Variants in PSMA3 observed in about 807,000 individuals in gnomAD.
PSMA3 encodes proteasome subunit alpha type-3.
A neutral mutation model predicts 40.0 loss-of-function variants in PSMA3; 8 were observed. The ratio of observed to expected loss-of-function variants is 0.20; its 90% CI spans 0.12 to 0.36. The LOEUF is 0.36. Ranked by LOEUF, PSMA3 falls within the 10% of genes least tolerant of loss-of-function variation. The pLI is 1.00. For missense variants in PSMA3, 219 were observed against 310.6 expected, an observed-to-expected ratio of 0.70 and a Z score of 2.22; for synonymous variants, 110 against 100.0, an observed-to-expected ratio of 1.10 and a Z score of -0.59.
chr14:58,263,908 A>G (rs2348071), intron 7 of PSMA3, 138 bp downstream of exon 7: 470,695 of 674,790 alleles, frequency 0.7, 167,452 homozygotes, highest in Middle Eastern at 0.84. Flanking sequence ...CACCAACACT[A>G]ATGATAGCTG....
At chr14:58,258,941 T>TTA (rs34616281) in intron 5 of PSMA3, among the ~76,000 whole-genome samples, 110,419 of 151,874 alleles carry the variant, frequency 0.73, 40,672 homozygotes, top group Middle Eastern at 0.87. Context: ...CATTAGGGTT[T>TTA]TGTTTTTACT....
intron 3 of PSMA3, 71 bp from the exon 4 acceptor site, chr14:58,257,674 T>C (rs1890176001): frequency 7.4e-7 from 1 of 1,344,626 alleles, no homozygotes; most frequent in East Asian, 2.3e-5. Flanking sequence ...GTTTAATAAG[T>C]CTTTATTAAT....
chr14:58,264,337 C>T (rs562000056), intron 7 of PSMA3, among the ~76,000 whole-genome samples: 38 of 152,300 alleles, frequency 2.5e-4, no homozygotes, highest in African/African-American at 8.9e-4. Context: ...AGCTTTGCTC[C>T]TAGCCAGGTA....
At chr14:58,253,525 T>G (rs1475243421) in intron 3 of PSMA3, among the ~76,000 whole-genome samples, 3 of 152,226 alleles carry the variant, frequency 2.0e-5, no homozygotes, top group Admixed American at 6.5e-5. Flanking sequence ...TTTTTCTTCT[T>G]CAAAGATTAT....
chr14:58,248,016 T>G (rs979963352), intron 2 of PSMA3, among the ~76,000 whole-genome samples, 184 bp downstream of exon 2: 3 of 152,198 alleles, frequency 2.0e-5, no homozygotes, highest in Non-Finnish European at 4.4e-5. Flanking sequence ...TCTCGTTGAT[T>G]CCAGGATTAT....
intron 7 of PSMA3, among the ~76,000 whole-genome samples, chr14:58,264,277 T>A (rs1779442774): frequency 6.6e-6 from 1 of 152,246 alleles, no homozygotes; most frequent in South Asian, 2.1e-4. Flanking sequence ...TCCTATATTC[T>A]TTCTTTGGAA....
intron 2 of PSMA3, among the ~76,000 whole-genome samples, chr14:58,250,686 T>C (rs1463699010): frequency 6.6e-6 from 1 of 152,204 alleles, no homozygotes; most frequent in East Asian, 1.9e-4. Flanking sequence ...TGCCATAGTT[T>C]CATCAGATTT....
chr14:58,261,515 G>A (rs893785451), intron 6 of PSMA3, among the ~76,000 whole-genome samples: 4 of 152,080 alleles, frequency 2.6e-5, no homozygotes, highest in Admixed American at 6.6e-5. Context: ...ACGAGGCAGA[G>A]GAAAGATTTT....
chr14:58,252,320 C>CTAT, intron 3 of PSMA3, 78 bp downstream of exon 3: 3 of 1,504,598 alleles, frequency 2.0e-6, no homozygotes, highest in Non-Finnish European at 1.8e-6. Context: ...GATCACTGTG[C>CTAT]AGTCACAAAA....
intron 2 of PSMA3, among the ~76,000 whole-genome samples, chr14:58,249,850 G>C (rs1407285261): frequency 2.0e-5 from 3 of 152,332 alleles, no homozygotes; most frequent in South Asian, 2.1e-4. Context: ...CTCGAAGACT[G>C]CCTGAAAGGA....
At chr14:58,263,661 A>G (rs759955528) in intron 6 of PSMA3, 44 bp from the exon 7 acceptor site, 7 of 1,440,190 alleles carry the variant, frequency 4.9e-6, no homozygotes, top group African/African-American at 2.8e-5. Context: ...ATTACATATG[A>G]TAGTGTACTA....
At chr14:58,269,093 C>A (rs984851792) in intron 8 of PSMA3, among the ~76,000 whole-genome samples, 1 of 152,098 alleles carries the variant, frequency 6.6e-6, no homozygotes, top group Non-Finnish European at 1.5e-5. Flanking sequence ...CACCACCACA[C>A]CTGGCTAATT....
intron 6 of PSMA3, chr14:58,263,435 C>G (rs1196081848): frequency 2.1e-5 from 5 of 241,082 alleles, no homozygotes; most frequent in African/African-American, 6.8e-5. Flanking sequence ...CGTTCCTGTT[C>G]CCCAAAATGT....
chr14:58,258,655 G>T lies in PSMA3; in HGVS notation c.404+657G>T, dbSNP rs534634645. Among the ~76,000 whole-genome samples the T allele has an allele frequency of 4.1e-4, 62 of 152,012 alleles. 3 individuals carry two copies. In the South Asian group the frequency reaches 0.012, roughly 30 times the overall value. On this transcript the variant is annotated intron_variant, in intron 5 of 10. Transcript: ENST00000216455. ...TCTGTTGAAGTGCTGATATTTTATTGTGGGGTAAAGTGGAGATTCAGCTGC... is the reference window on the plus strand; with the variant it reads ...TCTGTTGAAGTGCTGATATTTTATTTTGGGGTAAAGTGGAGATTCAGCTGC...
chr14:58,255,108 G>A (rs938196832), intron 3 of PSMA3, among the ~76,000 whole-genome samples: 20 of 151,620 alleles, frequency 1.3e-4, no homozygotes, highest in Non-Finnish European at 2.6e-4. Context: ...TCCCTAGGCC[G>A]AAAATACCTA....
intron 2 of PSMA3, 55 bp from the exon 3 acceptor site, chr14:58,252,064 T>A: frequency 6.5e-7 from 1 of 1,540,404 alleles, no homozygotes; most frequent in Non-Finnish European, 8.7e-7. Flanking sequence ...AACTTAAGTT[T>A]ATGAAGTTTC....
chr14:58,248,489 C>A (rs1889927876), intron 2 of PSMA3, among the ~76,000 whole-genome samples: 1 of 151,780 alleles, frequency 6.6e-6, no homozygotes, highest in Admixed American at 6.6e-5. Context: ...CTCGGACTCC[C>A]AGAGAGTAGC....
intron 7 of PSMA3, chr14:58,267,273 A>G: frequency 2.0e-6 from 2 of 978,640 alleles, no homozygotes; most frequent in Non-Finnish European, 2.5e-6. Context: ...AAGTGCTGGG[A>G]TTACAGGCAC....
chr14:58,247,958 A>G, intron 2 of PSMA3, 126 bp downstream of exon 2: 1 of 622,606 alleles, frequency 1.6e-6, no homozygotes, highest in Middle Eastern at 4.4e-4. Context: ...ATTCATTTCC[A>G]GATCTCTTTC....
Sources: allele counts gnomAD v4.1 joint callset (sites outside exome capture counted in the v4.1 genomes callset), GRCh38; gene constraint gnomAD v4.1.1; transcripts MANE v1.5; gene names NCBI Gene and HGNC (gene_info 2026-07-23, HGNC 2026-07-21).